The following SLC22A13 variants were observed in gnomAD, a reference collection of about 807,000 sequenced individuals.
The protein encoded by SLC22A13 is organic anion transporter 10.
A neutral mutation model predicts 49.1 loss-of-function variants in SLC22A13; 42 were observed. The ratio of observed to expected loss-of-function variants is 0.85; its 90% CI spans 0.67 to 1.11. The LOEUF (loss-of-function observed/expected upper bound fraction) is 1.11. Among genes scored for constraint, SLC22A13 ranks in the 50% least tolerant of loss-of-function variants. The pLI is 0.00. For synonymous variants in SLC22A13, 282 were observed against 293.1 expected (o/e 0.96, Z 0.39); for missense variants, 694 against 712.8 (o/e 0.97, Z 0.30).
chr3:38,272,481 A>C (rs967609179), intron 1 of SLC22A13, among the ~76,000 whole-genome samples: 7 of 152,354 alleles, frequency 4.6e-5, no homozygotes, highest in African/African-American at 1.7e-4. Flanking sequence ...TAACAGGCTC[A>C]AGGTCACACA....
chr3:38,266,237 A>C lies in SLC22A13; in HGVS notation c.377A>C (p.Glu126Ala). The C allele has an allele frequency of 6.2e-7, 1 of 1,612,454 alleles. No individual in the cohort carries two copies. Residue 126 changes from glutamate (E) to alanine (A), a missense_variant and splice_region_variant, in exon 1 of 10, where the codon GAG (glutamate) becomes GCG (alanine). Glu to Ala is a moderately radical substitution (Grantham distance 107, BLOSUM62 -1). Transcript: ENST00000311856. The part of the protein sequence containing the change: ...PENRLPSLKN[E>A]FNLVCDRKHL... ...AACAGGCTCCCATCCCTGAAGAATGAGGTAGGCTTGTCCTTTTGCTGGTCT... is the reference window on the plus strand; with the variant it reads ...AACAGGCTCCCATCCCTGAAGAATGCGGTAGGCTTGTCCTTTTGCTGGTCT...
chr3:38,267,012 A>G (rs1362766076), intron 1 of SLC22A13, among the ~76,000 whole-genome samples: 1 of 152,168 alleles, frequency 6.6e-6, no homozygotes, highest in Non-Finnish European at 1.5e-5. Flanking sequence ...CATGCCAGAT[A>G]CCTGCTGTCT....
Position 38,275,436 on chromosome 3 carries a change from C to T in SLC22A13, c.873C>T (p.Ile291=), listed in dbSNP as rs1221906593. 1 of 1,614,232 alleles carries T rather than the reference C, an allele frequency of 6.2e-7. No homozygotes were observed. Among genetic ancestry groups the T allele is most frequent in the Admixed American group, 1.7e-5 (1 of 60,022 alleles). The change falls in exon 5 of 10, where the codon ATC becomes ATT. Residue 291 remains isoleucine, a synonymous_variant. Coordinates refer to ENST00000311856, the MANE Select transcript of SLC22A13 (RefSeq NM_004256.4). ...RGRMDEAIQL[I]QKAASVNRRK... Reference sequence around the variant, plus strand: ...GGATGGACGAGGCGATACAACTGATCCAGAAGGCGGCCTCGGTCAATAGGC... The same window carrying T: ...GGATGGACGAGGCGATACAACTGATTCAGAAGGCGGCCTCGGTCAATAGGC...
intron 1 of SLC22A13, among the ~76,000 whole-genome samples, chr3:38,269,284 G>T (rs1465851573): frequency 6.6e-6 from 1 of 151,772 alleles, no homozygotes; most frequent in Admixed American, 6.6e-5. Flanking sequence ...TTGAGACAGG[G>T]TCTTGCTCTG....
chr3:38,276,851 G>A, intron 8 of SLC22A13, 61 bp from the exon 9 acceptor site: 1 of 1,433,348 alleles, frequency 7.0e-7, no homozygotes, highest in East Asian at 2.4e-5. Context: ...AATATACTAG[G>A]GTGAAGCTGA....
At chr3:38,266,727 C>G (rs921479745) in intron 1 of SLC22A13, among the ~76,000 whole-genome samples, 1 of 152,198 alleles carries the variant, frequency 6.6e-6, no homozygotes, top group Non-Finnish European at 1.5e-5. Flanking sequence ...GCTTTTCTCT[C>G]TAGGTCTCTG....
In SLC22A13 at chr3:38,266,113, A is replaced by G. The variant is rs777868941; in HGVS notation, c.253A>G (p.Met85Val). ...TGCAGGTCACCCAGAGCCCTGCCTCATGTTCCGGCCACCCCCCGCCAATGC... is the reference window on the plus strand; with the variant it reads ...TGCAGGTCACCCAGAGCCCTGCCTCGTGTTCCGGCCACCCCCCGCCAATGC... Reference protein sequence around the residue: ...DTAGHPEPCLMFRPPPANASL... With the variant: ...DTAGHPEPCLVFRPPPANASL... The change falls in exon 1 of 10, where the codon ATG (methionine) becomes GTG (valine). Residue 85 changes from methionine (M) to valine (V), a missense_variant. Physicochemically the swap from Met to Val is conservative, Grantham distance 21 (BLOSUM62 1). Coordinates refer to ENST00000311856, the MANE Select transcript of SLC22A13 (RefSeq NM_004256.4). 1.9e-5 allele frequency: 30 copies of G among 1,613,958 alleles called. No individual in the cohort carries two copies. Among genetic ancestry groups the G allele is most frequent in the Non-Finnish European group, 2.5e-5 (29 of 1,180,020 alleles).
At position 38,270,548 on chromosome 3, in the gene SLC22A13, T is replaced by C. The variant is rs150521669; in HGVS notation, c.379-3724T>C. 670 of 201,444 alleles carry C rather than the reference T, an allele frequency of 3.3e-3. 8 individuals are homozygous for C. Among genetic ancestry groups the C allele is most frequent in the African/African-American group, 0.015 (642 of 43,266 alleles). 12.5% of individuals were successfully genotyped at this position (201,444 alleles called of 1,614,324 possible). A position where few individuals can be genotyped will look rare whatever the true frequency, so the allele number is the denominator to read the frequency against. On this transcript the variant is annotated intron_variant, in intron 1 of 9. Transcript: ENST00000311856. The stretch of plus-strand genomic sequence containing the variant: ...CTGAAAAACTGACTAGAAATACATC[T>C]GTTTGTAGATACTTAGCAATTGCAA...
In SLC22A13 at chr3:38,275,580, G is replaced by A; in HGVS notation, c.930G>A (p.Leu310=). 7 of 1,614,122 alleles carry A rather than the reference G, an allele frequency of 4.3e-6. No homozygotes were observed. Among genetic ancestry groups the A allele is most frequent in the Non-Finnish European group, 5.9e-6 (7 of 1,179,976 alleles). Residue 310 remains leucine (L), a splice_region_variant and synonymous_variant, in exon 6 of 10, where the codon CTG becomes CTA. Coordinates refer to ENST00000311856, the MANE Select transcript of SLC22A13 (RefSeq NM_004256.4). Reference sequence around the variant, plus strand: ...CTCACTCTGCTTCTTCCTCCCAGCTGGTCCCAGAGAAGACAGGCCCCTCAG... The same window carrying A: ...CTCACTCTGCTTCTTCCTCCCAGCTAGTCCCAGAGAAGACAGGCCCCTCAG... ...RKLSPELMNQ[L]VPEKTGPSGN...
At chr3:38,274,915 A>G in intron 3 of SLC22A13, 74 bp from the exon 4 acceptor site, 1 of 1,582,010 alleles carries the variant, frequency 6.3e-7, no homozygotes, top group South Asian at 1.1e-5. Context: ...CCCAGCCCCC[A>G]CAGGGTGGCA....
At chr3:38,274,526 G>A in intron 2 of SLC22A13, 78 bp from the exon 3 acceptor site, 5 of 1,537,108 alleles carry the variant, frequency 3.3e-6, no homozygotes, top group Non-Finnish European at 4.5e-6. Context: ...CCCAGGACAG[G>A]GCTGGGCCCC....
chr3:38,275,548 C>T (rs1018349706), intron 5 of SLC22A13, 30 bp from the exon 6 acceptor site: 3 of 1,613,872 alleles, frequency 1.9e-6, no homozygotes, highest in Non-Finnish European at 1.7e-6. Context: ...ATCTTCCTGC[C>T]TGGCTTCTCA....
At chr3:38,266,510 G>A (rs2034090407) in intron 1 of SLC22A13, among the ~76,000 whole-genome samples, 3 of 151,806 alleles carry the variant, frequency 2.0e-5, no homozygotes, top group African/African-American at 7.3e-5. Flanking sequence ...TGTCTCTCTG[G>A]CTATCTACCC....
intron 6 of SLC22A13, 29 bp from the exon 7 acceptor site, chr3:38,275,853 A>T: frequency 6.3e-7 from 1 of 1,594,014 alleles, no homozygotes; most frequent in South Asian, 1.1e-5. Context: ...GTCACCCAGC[A>T]GTGACAGGAA....
chr3:38,277,422 C>A lies in SLC22A13; in HGVS notation c.1613C>A (p.Thr538Asn). 1 of 1,614,158 alleles carries A rather than the reference C, an allele frequency of 6.2e-7. No individual in the cohort carries two copies. The highest frequency in any genetic ancestry group is 8.5e-7 in the Non-Finnish European group (1 of 1,179,986). The change falls in exon 10 of 10, where the codon ACT becomes AAT. Residue 538 changes from threonine to asparagine, a missense_variant. By Grantham distance (65) the Thr-to-Asn change is moderately conservative. Transcript: ENST00000311856. ...SEKETEAKGR[T>N]SSPGVAFVSS... Reference sequence around the variant, plus strand: ...AAGGAAACAGAGGCCAAGGGAAGAACTTCCAGCCCGGGAGTGGCCTTTGTG... The same window carrying A: ...AAGGAAACAGAGGCCAAGGGAAGAAATTCCAGCCCGGGAGTGGCCTTTGTG...
At chr3:38,271,475 A>G (rs1380553894) in intron 1 of SLC22A13, among the ~76,000 whole-genome samples, 4 of 150,016 alleles carry the variant, frequency 2.7e-5, no homozygotes, top group Non-Finnish European at 5.9e-5. Flanking sequence ...CTGAAGTAGG[A>G]CAATCGTTTG....
chr3:38,267,703 G>T (rs923051251), intron 1 of SLC22A13, among the ~76,000 whole-genome samples: 1 of 152,160 alleles, frequency 6.6e-6, no homozygotes, highest in African/African-American at 2.4e-5. Context: ...AAAGGTCTGG[G>T]CCCCTTGCAG....
intron 9 of SLC22A13, 55 bp from the exon 10 acceptor site, chr3:38,277,317 C>G (rs1703599426): frequency 7.3e-7 from 1 of 1,370,310 alleles, no homozygotes; most frequent in South Asian, 1.2e-5. Flanking sequence ...GTGGTGAGGA[C>G]ACTGTCATGG....
intron 3 of SLC22A13, 60 bp from the exon 4 acceptor site, chr3:38,274,929 A>G (rs1703560806): frequency 6.3e-7 from 1 of 1,592,928 alleles, no homozygotes; most frequent in African/African-American, 1.3e-5. Flanking sequence ...GGTGGCATCT[A>G]GGAGTAATGG....
Sources: allele counts gnomAD v4.1 joint callset (sites outside exome capture counted in the v4.1 genomes callset), GRCh38; gene constraint gnomAD v4.1.1; transcripts MANE v1.5; gene names NCBI Gene and HGNC (gene_info 2026-07-23, HGNC 2026-07-21).